The following FOCAD variants were observed in gnomAD, a reference collection of about 807,000 sequenced individuals.
FOCAD encodes KIAA1797.
FOCAD carries 198 observed loss-of-function variants against 225.6 expected under a neutral mutation model. The ratio of observed to expected loss-of-function variants is 0.88; its 90% CI spans 0.78 to 0.99. FOCAD has a LOEUF of 0.99. Ranked by LOEUF, FOCAD falls within the 50% of genes least tolerant of loss-of-function variation. The probability of loss-of-function intolerance (pLI) is 0.00; values close to 1 mark genes in which losing one functional copy is unlikely to be tolerated. For missense variants in FOCAD, 2,713 were observed against 2,123.6 expected (o/e 1.28, Z -5.46); for synonymous variants, 897 against 755.0 (o/e 1.19, Z -3.08).
At chr9:20,729,867 A>C (rs1045091677) in intron 4 of FOCAD, among the ~76,000 whole-genome samples, 6 of 152,172 alleles carry the variant, frequency 3.9e-5, no homozygotes, top group Admixed American at 3.3e-4. Context: ...ATGGAGAATC[A>C]GTGTCAAATA....
At chr9:20,719,791 T>C (rs1391599035) in intron 3 of FOCAD, among the ~76,000 whole-genome samples, 2 of 144,674 alleles carry the variant, frequency 1.4e-5, no homozygotes, top group Admixed American at 6.9e-5. Context: ...TTTTTTTTTT[T>C]TTTTTTTTTT....
Position 20,720,350 on chromosome 9 carries a change from A to G in FOCAD, c.133-30A>G, listed in dbSNP as rs372566498. The G allele has an allele frequency of 7.5e-6, 12 of 1,610,356 alleles. No individual in the cohort carries two copies. In the African/African-American group the frequency reaches 1.3e-4, roughly 18 times the overall value. ...GTGTGTGTGTTTGCTGCTCATCAGAATTGTCTTCTAATCACTGGTTTGGTT... is the reference window on the plus strand; with the variant it reads ...GTGTGTGTGTTTGCTGCTCATCAGAGTTGTCTTCTAATCACTGGTTTGGTT... On this transcript the variant is annotated intron_variant, in intron 3 of 43. Transcript: ENST00000338382.
At chr9:20,762,961 T>C (rs907908206) in intron 6 of FOCAD, among the ~76,000 whole-genome samples, 1 of 152,242 alleles carries the variant, frequency 6.6e-6, no homozygotes, top group Non-Finnish European at 1.5e-5. Flanking sequence ...GCAATTGCAC[T>C]TTATACCTTT....
chr9:20,717,682 T>C, intron 2 of FOCAD, 112 bp from the exon 3 acceptor site: 1 of 768,692 alleles, frequency 1.3e-6, no homozygotes, highest in South Asian at 1.7e-5. Context: ...ACTTAGTTAA[T>C]GGGAATTTTA....
intron 37 of FOCAD, among the ~76,000 whole-genome samples, chr9:20,981,156 C>T (rs1482139214): frequency 6.6e-6 from 1 of 151,826 alleles, no homozygotes; most frequent in Non-Finnish European, 1.5e-5. Flanking sequence ...TGAAAACATC[C>T]AAGGTTTAAG....
intron 6 of FOCAD, among the ~76,000 whole-genome samples, chr9:20,763,658 C>G (rs1160554446): frequency 2.0e-5 from 3 of 152,072 alleles, no homozygotes; most frequent in Non-Finnish European, 4.4e-5. Flanking sequence ...GAGGGAATAG[C>G]AAGTGAGAAG....
chr9:20,929,568 C>G lies in FOCAD; in HGVS notation c.3289C>G (p.Leu1097Val). 1.2e-6 allele frequency: 2 copies of G among 1,614,068 alleles called. No homozygotes were observed. Among genetic ancestry groups the G allele is most frequent in the Non-Finnish European group, 1.7e-6 (2 of 1,179,974 alleles). The change falls in exon 27 of 44, where the codon CTC (leucine) becomes GTC (valine). Residue 1097 changes from leucine to valine, a missense_variant. Leu to Val is a conservative substitution (Grantham distance 32). Transcript: ENST00000338382. The part of the protein sequence containing the change: ...IHMGLALGMF[L>V]SRLCEEKLSD... Reference sequence around the variant, plus strand: ...CATGGGCCTTGCTTTAGGGATGTTTCTCTCTCGCTTGTGTGAAGAGAAACT... The same window carrying G: ...CATGGGCCTTGCTTTAGGGATGTTTGTCTCTCGCTTGTGTGAAGAGAAACT...
At chr9:20,850,821 C>T (rs2131618689) in intron 15 of FOCAD, among the ~76,000 whole-genome samples, 1 of 149,254 alleles carries the variant, frequency 6.7e-6, no homozygotes, top group Admixed American at 6.8e-5. Flanking sequence ...TCTTCCTTAA[C>T]CAGGTAATTT....
chr9:20,717,378 A>G (rs1042646632), intron 2 of FOCAD, among the ~76,000 whole-genome samples: 2 of 152,220 alleles, frequency 1.3e-5, no homozygotes, highest in African/African-American at 2.4e-5. Flanking sequence ...GCTCTAAGAC[A>G]TATTCTTCAT....
chr9:20,687,828 CATT>C (rs1300152514), intron 1 of FOCAD, among the ~76,000 whole-genome samples: 2 of 152,090 alleles, frequency 1.3e-5, no homozygotes, highest in East Asian at 1.9e-4. Context: ...ATGGGATAAA[CATT>C]ATAATTAGTC....
chr9:20,681,120 C>T (rs1347897015), upstream of FOCAD, among the ~76,000 whole-genome samples: 1 of 152,146 alleles, frequency 6.6e-6, no homozygotes, highest in African/African-American at 2.4e-5. Context: ...AATTTTAGTT[C>T]CCTTCTGTGT....
rs757145425 is a variant in FOCAD at position 20,978,443 on chromosome 9, C to T, written c.4366C>T (p.His1456Tyr). 2 of 1,608,264 alleles carry T rather than the reference C, an allele frequency of 1.2e-6. No individual in the cohort carries two copies. Among genetic ancestry groups the T allele is most frequent in the East Asian group, 2.2e-5 (1 of 44,548 alleles). ...LGLWVTPPLI[H>Y]SLSLNTKRYL... ...CTTGTGGGTGACACCACCACTGATC[C>T]ACAGTCTGAGTGTATGTAGTAACTA... The change falls in exon 37 of 44, where the codon CAC becomes TAC. Residue 1456 changes from histidine to tyrosine, a missense_variant. Transcript: ENST00000338382.
intron 10 of FOCAD, 117 bp from the exon 11 acceptor site, chr9:20,789,234 T>A: frequency 8.8e-7 from 1 of 1,138,490 alleles, no homozygotes; most frequent in East Asian, 2.4e-5. Context: ...ATTCAATTTG[T>A]ATTCATTTTG....
intron 2 of FOCAD, chr9:20,715,999 G>A: frequency 3.4e-6 from 1 of 294,062 alleles, no homozygotes; most frequent in Admixed American, 2.6e-5. Flanking sequence ...GTCTTTTCTT[G>A]TGAGAGTAAA....
At chr9:20,983,115 A>G (rs1024328591) in intron 39 of FOCAD, among the ~76,000 whole-genome samples, 1 of 152,190 alleles carries the variant, frequency 6.6e-6, no homozygotes. Context: ...TGGTCTTTGC[A>G]TAAGTAGCAT....
At position 20,936,692 on chromosome 9, in the gene FOCAD, T is replaced by C. The variant is rs552465468; in HGVS notation, c.3407+3589T>C. On this transcript the variant is annotated intron_variant, in intron 28 of 43. Transcript: ENST00000338382. The stretch of plus-strand genomic sequence containing the variant: ...AAATACAAAAAAAACAGGGATGCCC[T>C]CTCTCACCACCCCGATTCAACATAG... Among the ~76,000 whole-genome samples, 30 of 152,178 alleles carry C rather than the reference T, an allele frequency of 2.0e-4. 1 individual carries two copies. The highest frequency in any genetic ancestry group is 3.4e-3 in the Middle Eastern group (1 of 294).
intron 2 of FOCAD, among the ~76,000 whole-genome samples, chr9:20,660,290 A>G (rs1420865877): frequency 6.6e-6 from 1 of 152,208 alleles, no homozygotes; most frequent in African/African-American, 2.4e-5. Flanking sequence ...ATATCCTTAC[A>G]ATGACCTATG....
chr9:20,795,146 G>A (rs1820917609), intron 11 of FOCAD, among the ~76,000 whole-genome samples: 3 of 152,180 alleles, frequency 2.0e-5, no homozygotes, highest in African/African-American at 4.8e-5. Context: ...TGAAGAGTGA[G>A]AACATGATAG....
At chr9:20,705,106 G>C (rs529386365) in intron 1 of FOCAD, among the ~76,000 whole-genome samples, 5 of 152,316 alleles carry the variant, frequency 3.3e-5, no homozygotes, top group East Asian at 3.9e-4. Context: ...CCGGGTTACT[G>C]TGGGGGTTGA....
Sources: allele counts gnomAD v4.1 joint callset (sites outside exome capture counted in the v4.1 genomes callset), GRCh38; gene constraint gnomAD v4.1.1; transcripts MANE v1.5; gene names NCBI Gene and HGNC (gene_info 2026-07-23, HGNC 2026-07-21).